Variants in TAF4 observed in about 807,000 individuals in gnomAD.
TAF4 encodes TATA-box binding protein associated factor 4.
TAF4 carries 9 observed loss-of-function variants against 90.3 expected under a neutral mutation model. The ratio of observed to expected loss-of-function variants is 0.10; its 90% confidence interval spans 0.06 to 0.17. The LOEUF (loss-of-function observed/expected upper bound fraction) is 0.17. Among genes scored for constraint, TAF4 ranks in the 10% least tolerant of loss-of-function variants. The probability of loss-of-function intolerance (pLI) is 1.00; values close to 1 mark genes in which losing one functional copy is unlikely to be tolerated. For missense variants in TAF4, 1,351 were observed against 1,370.7 expected, an observed-to-expected ratio of 0.99 and a Z score of 0.23; for synonymous variants, 818 against 638.9, an observed-to-expected ratio of 1.28 and a Z score of -4.23.
chr20:61,985,923 AG>A (rs1568922309), intron 14 of TAF4, among the ~76,000 whole-genome samples: 13 of 150,562 alleles, frequency 8.6e-5, no homozygotes, highest in Non-Finnish European at 1.8e-4. Context: ...GACCAAAGGA[AG>A]CACCATCCCC....
chr20:62,001,723 C>T (rs1041300660), intron 9 of TAF4, among the ~76,000 whole-genome samples: 3 of 152,150 alleles, frequency 2.0e-5, no homozygotes, highest in African/African-American at 7.2e-5. Flanking sequence ...GCTGAAGGAC[C>T]CGGCCATGGG....
chr20:62,035,920 CCA>C (rs1376325567), intron 1 of TAF4, among the ~76,000 whole-genome samples: 2 of 151,448 alleles, frequency 1.3e-5, no homozygotes, highest in African/African-American at 4.9e-5. Context: ...AGAAGGTTAC[CCA>C]CAAACAATAA....
At position 61,999,037 on chromosome 20, in the gene TAF4, G is replaced by A. The variant is rs752352396; in HGVS notation, c.2859C>T (p.Ile953=). ...QLKFFEQLDQ[I]EKQRKDEQER... ...CCTGCTCATCCTTCCTCTGCTTTTC[G>A]ATTTGATCAAGCTGTTCAAAAAACT... The change falls in exon 12 of 15, where the codon ATC becomes ATT. Residue 953 remains isoleucine, a synonymous_variant. Coordinates refer to ENST00000252996, the MANE Select transcript of TAF4 (RefSeq NM_003185.4). 2 of 1,614,064 alleles carry A rather than the reference G, an allele frequency of 1.2e-6. No homozygotes were observed. The highest frequency in any genetic ancestry group is 1.1e-5 in the South Asian group (1 of 91,082).
intron 14 of TAF4, among the ~76,000 whole-genome samples, chr20:61,989,792 C>T (rs1252152038): frequency 6.6e-6 from 1 of 152,104 alleles, no homozygotes; most frequent in African/African-American, 2.4e-5. Flanking sequence ...AGTGAGTGAA[C>T]GAATCCATGA....
intron 14 of TAF4, among the ~76,000 whole-genome samples, chr20:61,995,273 A>T (rs375681365): frequency 2.6e-5 from 4 of 152,338 alleles, no homozygotes; most frequent in African/African-American, 9.6e-5. Flanking sequence ...AACCTTATAA[A>T]ACAGCTTTAA....
chr20:61,977,041 C>T (rs543857265), intron 14 of TAF4, among the ~76,000 whole-genome samples: 5 of 130,554 alleles, frequency 3.8e-5, no homozygotes, highest in Non-Finnish European at 5.2e-5. Flanking sequence ...GCAGGGCACG[C>T]GCCACACACA....
chr20:61,980,929 G>A (rs1465432664), intron 14 of TAF4: 1 of 152,536 alleles, frequency 6.6e-6, no homozygotes, highest in African/African-American at 2.4e-5. Context: ...CCTGAGAGGT[G>A]TCCAGGAAGG....
At chr20:62,049,737 G>T (rs75971883) in intron 1 of TAF4, among the ~76,000 whole-genome samples, 2,853 of 151,724 alleles carry the variant, frequency 0.019, 35 homozygotes, top group Middle Eastern at 0.041. Context: ...AGGGAGGCAG[G>T]GCCCGGGCAG....
At chr20:61,999,211 C>A (rs1158285529) in intron 11 of TAF4, 103 bp from the exon 12 acceptor site, 3 of 1,458,268 alleles carry the variant, frequency 2.1e-6, no homozygotes, top group South Asian at 1.3e-5. Flanking sequence ...GCCCTCCCTC[C>A]GTCCAGTCTG....
rs571040486 is a variant in TAF4 at position 62,062,419 on chromosome 20, G to C, written c.1360+2032C>G. ...ATTGATACTTTTTTTTTTTGCTTTG[G>C]TTATTATTGAAACAAATAACATAAT... On this transcript the variant is annotated intron_variant, in intron 1 of 14. Coordinates refer to ENST00000252996, the MANE Select transcript of TAF4 (RefSeq NM_003185.4). 4.0e-5 allele frequency among the ~76,000 whole-genome samples: 6 copies of C among 151,146 alleles called. No homozygotes were observed. In the East Asian group the frequency reaches 5.8e-4, roughly 15 times the overall value.
intron 14 of TAF4, among the ~76,000 whole-genome samples, chr20:61,982,894 C>A (rs951615936): frequency 4.6e-5 from 7 of 151,942 alleles, no homozygotes; most frequent in Non-Finnish European, 7.4e-5. Flanking sequence ...CCCCCCTCCC[C>A]ACCCGTCCCC....
chr20:61,977,172 G>A (rs2055500739), intron 14 of TAF4, among the ~76,000 whole-genome samples: 1 of 142,044 alleles, frequency 7.0e-6, no homozygotes, highest in South Asian at 2.3e-4. Flanking sequence ...AGCGGGGCAC[G>A]AGCCACACAC....
At position 62,010,767 on chromosome 20, in the gene TAF4, G is replaced by A. The variant is rs185723313; in HGVS notation, c.1642-602C>T. Among the ~76,000 whole-genome samples the A allele has an allele frequency of 6.6e-6, 1 of 152,324 alleles. No homozygotes were observed. ...GAGCAATGGAGGATGGGTCATCAGT[G>A]TCAAACTGTCAGAAAGGAGGGGCTG... On this transcript the variant is annotated intron_variant, in intron 3 of 14. Transcript: ENST00000252996. This position sits in a 1 kb window ranked among gnomAD's most constrained non-coding sequence, Gnocchi z 4.5.
intron 1 of TAF4, among the ~76,000 whole-genome samples, chr20:62,064,115 C>T: frequency 6.6e-6 from 1 of 152,262 alleles, no homozygotes; most frequent in East Asian, 1.9e-4. Flanking sequence ...AGCCTACCAA[C>T]CCGGGCAGGG....
chr20:62,009,161 T>G lies in TAF4; in HGVS notation c.1775A>C (p.Asn592Thr). ...TSSAATETMENVKKCKNFLST... is the reference protein window; with the variant it reads ...TSSAATETMETVKKCKNFLST... ...TAGGAAATTTTTACATTTCTTCACGTTTTCCATAGTTTCCTGGATTAAAGT... is the reference window on the plus strand; with the variant it reads ...TAGGAAATTTTTACATTTCTTCACGGTTTCCATAGTTTCCTGGATTAAAGT... Residue 592 changes from asparagine (N) to threonine (T), a missense_variant, in exon 5 of 15, where the codon AAC becomes ACC. Asn to Thr is a moderately conservative substitution (Grantham distance 65, BLOSUM62 0). Around this residue, in one of 9 missense-constraint regions of TAF4, gnomAD observed 44 missense variants for 97.4 expected, o/e 0.45. Transcript: ENST00000252996. 1 of 1,607,188 alleles carries G rather than the reference T, an allele frequency of 6.2e-7. No individual in the cohort carries two copies. The highest frequency in any genetic ancestry group is 8.5e-7 in the Non-Finnish European group (1 of 1,178,046).
At chr20:62,025,765 C>T (rs772664017) in intron 1 of TAF4, among the ~76,000 whole-genome samples, 3 of 152,158 alleles carry the variant, frequency 2.0e-5, no homozygotes, top group South Asian at 2.1e-4. Context: ...CAGACTACTA[C>T]GCTGTCTGAC....
chr20:61,980,681 C>G (rs1004704343), intron 14 of TAF4: 7 of 152,296 alleles, frequency 4.6e-5, no homozygotes, highest in African/African-American at 1.4e-4. Flanking sequence ...CTGATGTCTC[C>G]CAGCCTCTCT....
chr20:61,982,417 G>A (rs1178354630), intron 14 of TAF4, among the ~76,000 whole-genome samples: 4 of 130,988 alleles, frequency 3.1e-5, no homozygotes, highest in African/African-American at 8.9e-5. Flanking sequence ...ACCCACCCAA[G>A]AGGAGACACC....
intron 1 of TAF4, among the ~76,000 whole-genome samples, chr20:62,045,540 T>C (rs1354801372): frequency 2.0e-5 from 3 of 152,244 alleles, no homozygotes; most frequent in Non-Finnish European, 2.9e-5. Flanking sequence ...TCTCCCTTGG[T>C]GACAGGAATA....
Sources: gnomAD v4.1 joint callset for allele counts (sites outside exome capture counted in the v4.1 genomes callset) on GRCh38, gnomAD v4.1.1 for gene constraint, gnomAD v4.1.1 regional missense constraint, Gnocchi (gnomAD v3.1) non-coding constraint, MANE v1.5 for transcripts, NCBI Gene and HGNC (gene_info 2026-07-23, HGNC 2026-07-21) for gene names.